PDE8A: variants seen among roughly 807,000 people sequenced by gnomAD.
PDE8A encodes phosphodiesterase 8A, also known as high affinity cAMP-specific and IBMX-insensitive 3',5'-cyclic phosphodiesterase 8A.
Under a neutral mutation model 105.0 loss-of-function variants are expected in PDE8A, and 59 were observed. The ratio of observed to expected loss-of-function variants is 0.56; its 90% CI spans 0.46 to 0.70. PDE8A has a LOEUF of 0.70. Among genes scored for constraint, PDE8A ranks in the 30% least tolerant of loss-of-function variants. PDE8A has a pLI of 0.00. For missense variants in PDE8A, 1,014 were observed against 1,045.9 expected (o/e 0.97, Z 0.42); for synonymous variants, 355 against 371.9 (o/e 0.95, Z 0.52).
chr15:85,134,397 C>T (rs1338925437), intron 20 of PDE8A, among the ~76,000 whole-genome samples: 1 of 152,174 alleles, frequency 6.6e-6, no homozygotes, highest in Non-Finnish European at 1.5e-5. Flanking sequence ...GGGGTGTGAA[C>T]CCAAGGCCCT....
chr15:85,103,066 C>G (rs1567287293), intron 11 of PDE8A, among the ~76,000 whole-genome samples: 1 of 151,766 alleles, frequency 6.6e-6, no homozygotes, highest in Admixed American at 6.6e-5. Context: ...ACCAAACATA[C>G]AAAAAATTAG....
chr15:85,029,577 A>C (rs569276523), intron 1 of PDE8A, among the ~76,000 whole-genome samples: 6 of 151,944 alleles, frequency 3.9e-5, no homozygotes, highest in Non-Finnish European at 5.9e-5. Flanking sequence ...ACTTCTATTT[A>C]TTTCTTTTCT....
intron 1 of PDE8A, among the ~76,000 whole-genome samples, chr15:85,034,528 AAAGT>A (rs1353998837): frequency 2.6e-5 from 4 of 152,192 alleles, no homozygotes; most frequent in African/African-American, 9.7e-5. Flanking sequence ...GATTGTAGGT[AAAGT>A]AAGAGTGCTG....
chr15:85,105,227 A>G (rs1166831550), intron 11 of PDE8A, among the ~76,000 whole-genome samples: 2 of 151,702 alleles, frequency 1.3e-5, no homozygotes, highest in Non-Finnish European at 2.9e-5. Context: ...AAGAGTTGGG[A>G]GATTTGGTCT....
At chr15:85,116,149 G>T in intron 16 of PDE8A, 30 bp downstream of exon 16, 1 of 1,611,766 alleles carries the variant, frequency 6.2e-7, no homozygotes, top group African/African-American at 1.3e-5. Flanking sequence ...AGCAGCGGGA[G>T]AACTAGATTC....
chr15:84,997,352 C>T (rs1194877743), intron 1 of PDE8A, among the ~76,000 whole-genome samples: 1 of 151,936 alleles, frequency 6.6e-6, no homozygotes. Context: ...CACCACCATG[C>T]CTGGCTAATT....
intron 6 of PDE8A, among the ~76,000 whole-genome samples, chr15:85,086,055 A>C (rs1457402298): frequency 6.6e-6 from 1 of 152,058 alleles, no homozygotes; most frequent in African/African-American, 2.4e-5. Flanking sequence ...ATATGATTAC[A>C]TGGCATTTTA....
intron 1 of PDE8A, chr15:85,063,317 C>T (rs1268656225): frequency 6.6e-6 from 1 of 152,144 alleles, no homozygotes; most frequent in Non-Finnish European, 1.5e-5. Context: ...TGTAGGAAGT[C>T]TTATGGATCT....
chr15:85,139,099 T>G lies in PDE8A; in HGVS notation c.*1196T>G, dbSNP rs891250519. 6.6e-6 allele frequency: 1 copy of G among 152,186 alleles called. No homozygotes were observed. The highest frequency in any genetic ancestry group is 6.5e-5 in the Admixed American group (1 of 15,282). The allele number at this position is 152,186 out of a possible 1,614,324, so 9.4% of individuals were successfully genotyped here. A position where few individuals can be genotyped will look rare whatever the true frequency, so the allele number is the denominator to read the frequency against. On this transcript the variant is annotated 3_prime_UTR_variant, in exon 22 of 22. Coordinates refer to ENST00000394553, the MANE Select transcript of PDE8A (RefSeq NM_002605.3). Reference sequence around the variant, plus strand: ...CATTTTAAACTCGTATTTGTGGTTTTTTTCCCAGATAAAAATGAAATTAAA... The same window carrying G: ...CATTTTAAACTCGTATTTGTGGTTTGTTTCCCAGATAAAAATGAAATTAAA...
chr15:85,007,670 A>C (rs1363629448), intron 1 of PDE8A, among the ~76,000 whole-genome samples: 2 of 152,120 alleles, frequency 1.3e-5, no homozygotes, highest in East Asian at 3.8e-4. Flanking sequence ...ATTTCAAGTC[A>C]TATAAAATGA....
chr15:85,040,395 A>G (rs1039865290), intron 1 of PDE8A, among the ~76,000 whole-genome samples: 2 of 150,866 alleles, frequency 1.3e-5, no homozygotes, highest in African/African-American at 4.8e-5. Context: ...AAAAAAGAAA[A>G]GAAAAGAAAA....
Position 85,113,937 on chromosome 15 carries a change from G to A in PDE8A, c.1250G>A (p.Arg417His), listed in dbSNP as rs201954186. Reference protein sequence around the residue: ...SPMPVTEALDRVLEILRTTEL... With the variant: ...SPMPVTEALDHVLEILRTTEL... Reference sequence around the variant, plus strand: ...ATGCCTGTGACAGAAGCCCTAGACCGTGTGCTGGAAATTCTAAGAACCACT... The same window carrying A: ...ATGCCTGTGACAGAAGCCCTAGACCATGTGCTGGAAATTCTAAGAACCACT... The change falls in exon 14 of 22, where the codon CGT becomes CAT. Residue 417 changes from arginine (R) to histidine (H), a missense_variant. Physicochemically the swap from Arg to His is conservative, Grantham distance 29. Coordinates refer to ENST00000394553, the MANE Select transcript of PDE8A (RefSeq NM_002605.3). 2.1e-5 allele frequency: 34 copies of A among 1,612,798 alleles called. No individual in the cohort carries two copies. Among genetic ancestry groups the A allele is most frequent in the Admixed American group, 5.0e-5 (3 of 60,000 alleles).
intron 20 of PDE8A, among the ~76,000 whole-genome samples, chr15:85,129,326 T>G (rs1008820616): frequency 3.3e-5 from 5 of 152,222 alleles, no homozygotes; most frequent in African/African-American, 1.2e-4. Context: ...AGGATTGATA[T>G]TAATTCTTCT....
At chr15:85,052,218 A>G (rs1329364982) in intron 1 of PDE8A, among the ~76,000 whole-genome samples, 3 of 152,200 alleles carry the variant, frequency 2.0e-5, no homozygotes, top group Non-Finnish European at 4.4e-5. Context: ...AATCCAGTCT[A>G]TCATTGATGG....
Position 85,064,512 on chromosome 15 carries a change from G to A in PDE8A, c.243+86G>A, listed in dbSNP as rs574851267. 1.9e-5 allele frequency: 16 copies of A among 835,346 alleles called. No homozygotes were observed. The Admixed American group carries it at 2.3e-4, about 12-fold the overall frequency. The allele number at this position is 835,346 out of a possible 1,614,324, so 51.7% of individuals were successfully genotyped here. A position where few individuals can be genotyped will look rare whatever the true frequency, so the allele number is the denominator to read the frequency against. ...GAGCTAAATTTACACATTTAAAATA[G>A]TCTTTCATTTAGATAATAGTGTTTG... is the stretch of plus-strand genomic sequence containing the variant. On this transcript the variant is annotated intron_variant, in intron 2 of 21. Transcript: ENST00000394553.
chr15:85,088,440 C>T (rs1469548436), intron 6 of PDE8A, among the ~76,000 whole-genome samples: 1 of 152,252 alleles, frequency 6.6e-6, no homozygotes, highest in Non-Finnish European at 1.5e-5. Context: ...TATATCAAGA[C>T]TTCGTGTCCT....
chr15:84,988,091 T>C (rs1208617551), intron 1 of PDE8A, among the ~76,000 whole-genome samples: 2 of 152,184 alleles, frequency 1.3e-5, no homozygotes, highest in Non-Finnish European at 2.9e-5. Flanking sequence ...GCTTTAAAGA[T>C]GTTATCTCAT....
At chr15:85,067,470 G>T (rs549580187) in intron 3 of PDE8A, among the ~76,000 whole-genome samples, 2 of 152,232 alleles carry the variant, frequency 1.3e-5, no homozygotes, top group Admixed American at 1.3e-4. Flanking sequence ...TTAACCACAA[G>T]TATCACTTGT....
At chr15:85,105,562 C>A (rs2141580048) in intron 11 of PDE8A, among the ~76,000 whole-genome samples, 1 of 152,244 alleles carries the variant, frequency 6.6e-6, no homozygotes, top group African/African-American at 2.4e-5. Context: ...TCTCTCATCA[C>A]CCCCACTGTT....
Sources: allele counts gnomAD v4.1 joint callset (sites outside exome capture counted in the v4.1 genomes callset), GRCh38; gene constraint gnomAD v4.1.1; transcripts MANE v1.5; gene names NCBI Gene and HGNC (gene_info 2026-07-23, HGNC 2026-07-21).